THSD7B: variants seen among roughly 807,000 people sequenced by gnomAD.
THSD7B encodes the protein thrombospondin type 1 domain containing 7B.
THSD7B carries 138 observed loss-of-function variants against 213.6 expected under a neutral mutation model. The ratio of observed to expected loss-of-function variants is 0.65; its 90% CI spans 0.56 to 0.74. THSD7B has a LOEUF of 0.74. Ranked by LOEUF, THSD7B falls within the 30% of genes least tolerant of loss-of-function variation. The pLI, the probability that THSD7B is intolerant of heterozygous loss-of-function variation, is 0.00. For synonymous variants in THSD7B, 742 were observed against 687.0 expected, an observed-to-expected ratio of 1.08 and a Z score of -1.25; for missense variants, 1,931 against 1,991.5, an observed-to-expected ratio of 0.97 and a Z score of 0.58.
intron 2 of THSD7B, among the ~76,000 whole-genome samples, chr2:136,958,897 T>TTG (rs1685170448): frequency 6.6e-6 from 1 of 152,152 alleles, no homozygotes. Flanking sequence ...CTGTTCACTC[T>TTG]TGTGTGGGAA....
chr2:137,643,415 A>ATTG (rs1012579416), intron 21 of THSD7B, among the ~76,000 whole-genome samples: 2 of 152,202 alleles, frequency 1.3e-5, no homozygotes, highest in Non-Finnish European at 2.9e-5. Flanking sequence ...TCAGGATGAC[A>ATTG]TTGTCAGGCA....
At chr2:137,108,970 G>C (rs1688300622) in intron 4 of THSD7B, among the ~76,000 whole-genome samples, 1 of 152,138 alleles carries the variant, frequency 6.6e-6, no homozygotes, top group Non-Finnish European at 1.5e-5. Flanking sequence ...AAATTTTGCT[G>C]CTAATACGTG....
chr2:137,135,866 A>G (rs574697787), intron 5 of THSD7B, among the ~76,000 whole-genome samples: 58 of 152,058 alleles, frequency 3.8e-4, no homozygotes, highest in Non-Finnish European at 7.5e-4. Flanking sequence ...AAAACACCTT[A>G]GCAACATTTC....
At chr2:137,281,093 A>G (rs1326072286) in intron 12 of THSD7B, among the ~76,000 whole-genome samples, 3 of 152,102 alleles carry the variant, frequency 2.0e-5, no homozygotes, top group Non-Finnish European at 4.4e-5. Context: ...ACTTTCTTGA[A>G]CTATCTGTAG....
At chr2:137,092,414 AAAAAATAAATAAAAT>A (rs1385153692) in intron 3 of THSD7B, among the ~76,000 whole-genome samples, 6 of 152,086 alleles carry the variant, frequency 3.9e-5, no homozygotes, top group Admixed American at 6.6e-5. Flanking sequence ...TCCTGTCTCA[AAAAAATAAATAAAAT>A]AAAAATAAAT....
Position 137,405,811 on chromosome 2 carries a change from T to C in THSD7B, c.2695+4T>C, listed in dbSNP as rs1245105548. The C allele has an allele frequency of 2.5e-6, 4 of 1,605,726 alleles. No individual in the cohort carries two copies. The highest frequency in any genetic ancestry group is 1.3e-5 in the African/African-American group (1 of 74,622). On this transcript the variant is annotated splice_donor_region_variant and intron_variant, in intron 13 of 27. Transcript: ENST00000409968. ...AGTAGGCGGCGACAGCTCACAGGTATAGTGTGCATTTTACTCTTTAGCATC... is the reference window on the plus strand; with the variant it reads ...AGTAGGCGGCGACAGCTCACAGGTACAGTGTGCATTTTACTCTTTAGCATC...
chr2:137,387,717 C>G (rs1386508023), intron 12 of THSD7B, among the ~76,000 whole-genome samples: 2 of 152,014 alleles, frequency 1.3e-5, no homozygotes, highest in African/African-American at 4.8e-5. Flanking sequence ...CTGAAGGACC[C>G]AGGATTTAAG....
intron 5 of THSD7B, among the ~76,000 whole-genome samples, chr2:137,117,631 T>C (rs959445132): frequency 5.3e-5 from 8 of 152,134 alleles, no homozygotes; most frequent in African/African-American, 1.9e-4. Context: ...TGGAGTGTGA[T>C]TGTGATTGCT....
At position 137,398,140 on chromosome 2, in the gene THSD7B, A is replaced by G. The variant is rs1482437691; in HGVS notation, c.2501-7473A>G. 7.4e-5 allele frequency among the ~76,000 whole-genome samples: 11 copies of G among 148,506 alleles called. No homozygotes were observed. The South Asian group carries it at 2.4e-3, about 33-fold the overall frequency. On this transcript the variant is annotated intron_variant, in intron 12 of 27. Transcript: ENST00000409968. ...TCCTCCCGTAGCTCAGAGTAATTTG[A>G]TCGTCTGAAGCCTTCTCTCAGCTCG...
rs540940226 is a variant in THSD7B, at chr2:137,270,464, A to G, written c.2267-2069A>G. The stretch of plus-strand genomic sequence containing the variant: ...CCTCCTTCTGAGGATCTCATTCAAA[A>G]TGATAGGAAAGGAATTTTAAAAGCC... On this transcript the variant is annotated intron_variant, in intron 10 of 27. Transcript: ENST00000409968. Among the ~76,000 whole-genome samples, 3 of 152,304 alleles carry G rather than the reference A, an allele frequency of 2.0e-5. No individual in the cohort carries two copies. The South Asian group carries it at 6.2e-4, about 32-fold the overall frequency.
intron 3 of THSD7B, among the ~76,000 whole-genome samples, chr2:137,083,913 C>G (rs1380753225): frequency 6.6e-6 from 1 of 152,024 alleles, no homozygotes; most frequent in Non-Finnish European, 1.5e-5. Flanking sequence ...TTCTAAAGTA[C>G]TTAGTTGCAA....
chr2:137,221,314 A>G (rs1200361174), intron 7 of THSD7B, among the ~76,000 whole-genome samples: 1 of 152,064 alleles, frequency 6.6e-6, no homozygotes, highest in Non-Finnish European at 1.5e-5. Context: ...AAACAAAAAC[A>G]AAAAGTTAGA....
chr2:137,148,071 T>C (rs1426121846), intron 5 of THSD7B, among the ~76,000 whole-genome samples: 1 of 152,092 alleles, frequency 6.6e-6, no homozygotes, highest in Non-Finnish European at 1.5e-5. Context: ...CCAAGTGTCA[T>C]GGGAAGGACC....
rs578235642 is a variant in THSD7B, at chr2:136,780,931, G to A, written c.-36+15244G>A. The stretch of plus-strand genomic sequence containing the variant: ...TAAAATAATTAGAAGGGGGTGGATA[G>A]CCGTAGTGAAGGCCAACACCGATGC... On this transcript the variant is annotated intron_variant, in intron 1 of 27. Coordinates refer to ENST00000409968, the MANE Select transcript of THSD7B (RefSeq NM_001316349.2). Among the ~76,000 whole-genome samples the A allele has an allele frequency of 8.5e-5, 13 of 152,258 alleles. 1 individual carries two copies. Among genetic ancestry groups the A allele is most frequent in the Admixed American group, 5.9e-4 (9 of 15,294 alleles).
chr2:136,922,531 GA>G (rs1684453106), intron 2 of THSD7B, among the ~76,000 whole-genome samples: 1 of 152,160 alleles, frequency 6.6e-6, no homozygotes, highest in Non-Finnish European at 1.5e-5. Flanking sequence ...ATTGTACTTA[GA>G]AAATGCAATA....
intron 2 of THSD7B, among the ~76,000 whole-genome samples, chr2:137,039,773 T>G (rs902004197): frequency 1.3e-5 from 2 of 152,252 alleles, no homozygotes; most frequent in African/African-American, 4.8e-5. Context: ...TGAAGCACTT[T>G]CTACAAACTT....
At chr2:136,855,567 A>G (rs1468234974) in intron 1 of THSD7B, among the ~76,000 whole-genome samples, 3 of 151,706 alleles carry the variant, frequency 2.0e-5, no homozygotes, top group Non-Finnish European at 4.4e-5. Flanking sequence ...CTGGGATTAC[A>G]GGTGCGTGCC....
At chr2:137,337,147 T>C (rs1684656140) in intron 12 of THSD7B, among the ~76,000 whole-genome samples, 1 of 151,986 alleles carries the variant, frequency 6.6e-6, no homozygotes, top group Non-Finnish European at 1.5e-5. Context: ...TCAGCATTGG[T>C]ATAATACTAT....
intron 16 of THSD7B, among the ~76,000 whole-genome samples, chr2:137,569,482 A>C (rs1435976187): frequency 6.6e-6 from 1 of 152,150 alleles, no homozygotes; most frequent in East Asian, 1.9e-4. Context: ...GGGGATGGGC[A>C]ATCACTTACC....
Sources: gnomAD v4.1 joint callset for allele counts (sites outside exome capture counted in the v4.1 genomes callset) on GRCh38, gnomAD v4.1.1 for gene constraint, MANE v1.5 for transcripts, NCBI Gene and HGNC (gene_info 2026-07-23, HGNC 2026-07-21) for gene names.